Variants in DOCK2 observed in about 807,000 individuals in gnomAD.
The protein encoded by DOCK2 is dedicator of cytokinesis 2.
In DOCK2, 87 loss-of-function variants were observed where a neutral mutation model predicts 248.9. The ratio of observed to expected loss-of-function variants is 0.35; its 90% CI spans 0.29 to 0.42. DOCK2 has a LOEUF of 0.42. Among genes scored for constraint, DOCK2 ranks in the 10% least tolerant of loss-of-function variants. The pLI is 1.00. For synonymous variants in DOCK2, 805 were observed against 821.6 expected (o/e 0.98, Z 0.35); for missense variants, 1,747 against 2,300.2 (o/e 0.76, Z 4.92).
chr5:169,924,222 C>A (rs1033506439), intron 27 of DOCK2, among the ~76,000 whole-genome samples: 1 of 152,148 alleles, frequency 6.6e-6, no homozygotes, highest in African/African-American at 2.4e-5. Context: ...GTTACACCAG[C>A]CACACACACT....
At chr5:169,839,453 A>G (rs1769803735) in intron 26 of DOCK2, among the ~76,000 whole-genome samples, 1 of 152,208 alleles carries the variant, frequency 6.6e-6, no homozygotes, top group African/African-American at 2.4e-5. Context: ...CTTCAGACCC[A>G]GAGCTTCTGA....
At chr5:170,067,448 A>G in intron 44 of DOCK2, 62 bp from the exon 45 acceptor site, 1 of 1,530,682 alleles carries the variant, frequency 6.5e-7, no homozygotes, top group Non-Finnish European at 8.9e-7. Context: ...AATACCAATA[A>G]TATCTGTTTT....
chr5:169,986,023 G>C, intron 29 of DOCK2, 101 bp downstream of exon 29: 1 of 1,130,598 alleles, frequency 8.8e-7, no homozygotes, highest in Non-Finnish European at 1.3e-6. Flanking sequence ...TTGCTGAAAA[G>C]AAATTAAAGT....
intron 8 of DOCK2, among the ~76,000 whole-genome samples, chr5:169,685,614 C>T (rs1304801017): frequency 6.6e-6 from 1 of 152,190 alleles, no homozygotes; most frequent in African/African-American, 2.4e-5. Flanking sequence ...ATGATGTCTT[C>T]CTGGCTTGTT....
chr5:170,077,983 A>G, intron 48 of DOCK2, 146 bp downstream of exon 48: 1 of 699,444 alleles, frequency 1.4e-6, no homozygotes, highest in South Asian at 1.9e-5. Flanking sequence ...GCAGTCTCAC[A>G]ACTACCCCAG....
Position 169,800,944 on chromosome 5 carries a change from CTTT to C in DOCK2, c.2555-2087_2555-2085del, listed in dbSNP as rs60140740. ...TTTTTCTTTTTTCTTTTCTTTCTTTCTTTTTTTTTTTTTTTTTTTTTTTTTTTT... is the reference window on the plus strand; with the variant it reads ...TTTTTCTTTTTTCTTTTCTTTCTTTCTTTTTTTTTTTTTTTTTTTTTTTTT... On this transcript the variant is annotated intron_variant, in intron 25 of 51. Transcript: ENST00000520908. 1.5e-4 allele frequency among the ~76,000 whole-genome samples: 8 copies of C among 53,184 alleles called. No individual in the cohort carries two copies. In the South Asian group the frequency reaches 2.2e-3, roughly 15 times the overall value. 34.9% of individuals were successfully genotyped at this position (53,184 alleles called of 152,430 possible).
At position 169,708,240 on chromosome 5, in the gene DOCK2, A is replaced by G. The variant is rs1303888436; in HGVS notation, c.1455A>G (p.Lys485=). Residue 485 remains lysine, a synonymous_variant, in exon 15 of 52, where the codon AAA becomes AAG. Coordinates refer to ENST00000520908, the MANE Select transcript of DOCK2 (RefSeq NM_004946.3). ...EYRSVVYYQV[K]QPRWMETVKV... is the part of the protein sequence containing the mutation. ...GCTCCGTTGTGTACTATCAAGTCAA[A>G]CAGCCACGCTGGATGGAAACAGTCA... is the stretch of plus-strand genomic sequence containing the variant. The G allele has an allele frequency of 6.2e-7, 1 of 1,613,908 alleles. No individual in the cohort carries two copies. The highest frequency in any genetic ancestry group is 1.7e-5 in the Admixed American group (1 of 59,990).
chr5:170,068,528 C>T (rs1757573988), intron 45 of DOCK2, among the ~76,000 whole-genome samples: 1 of 152,188 alleles, frequency 6.6e-6, no homozygotes, highest in Non-Finnish European at 1.5e-5. Flanking sequence ...ATCCTTCCAA[C>T]TACCCTCAGA....
At chr5:169,956,449 A>G (rs1776869490) in intron 27 of DOCK2, among the ~76,000 whole-genome samples, 1 of 152,194 alleles carries the variant, frequency 6.6e-6, no homozygotes, top group Non-Finnish European at 1.5e-5. Context: ...TACTGCAGCG[A>G]CTTTAAGCAC....
intron 1 of DOCK2, among the ~76,000 whole-genome samples, chr5:169,650,521 C>T (rs1757745280): frequency 6.6e-6 from 1 of 152,194 alleles, no homozygotes; most frequent in African/African-American, 2.4e-5. Flanking sequence ...TTACTTTCAC[C>T]TTAGCTCCCT....
chr5:169,786,649 A>G (rs897713003), intron 25 of DOCK2, among the ~76,000 whole-genome samples: 1 of 152,180 alleles, frequency 6.6e-6, no homozygotes, highest in Non-Finnish European at 1.5e-5. Context: ...AGCCAGCCCA[A>G]TCTTTAAGAG....
In DOCK2 at chr5:169,746,994, G is replaced by A. The variant is rs141310551; in HGVS notation, c.2268-402G>A. The stretch of plus-strand genomic sequence containing the variant: ...ATCCGACAAACAGACAATGGGTGGC[G>A]GAAATGGCAGTGCATTTGAAAATAT... On this transcript the variant is annotated intron_variant, in intron 22 of 51. Transcript: ENST00000520908. 9.9e-5 allele frequency among the ~76,000 whole-genome samples: 15 copies of A among 152,236 alleles called. 1 individual carries two copies. Among genetic ancestry groups the A allele is most frequent in the South Asian group, 8.3e-4 (4 of 4,818 alleles).
At chr5:169,722,928 G>A (rs1298390498) in intron 22 of DOCK2, among the ~76,000 whole-genome samples, 1 of 152,170 alleles carries the variant, frequency 6.6e-6, no homozygotes, top group African/African-American at 2.4e-5. Context: ...GGACCACAAT[G>A]TGGTACTCTC....
chr5:169,932,004 C>A (rs1226638168), intron 27 of DOCK2, among the ~76,000 whole-genome samples: 1 of 152,232 alleles, frequency 6.6e-6, no homozygotes, highest in Non-Finnish European at 1.5e-5. Context: ...AGGAATACAG[C>A]CATAAGCCCA....
At chr5:169,692,476 T>G (rs1448351148) in intron 9 of DOCK2, among the ~76,000 whole-genome samples, 1 of 149,806 alleles carries the variant, frequency 6.7e-6, no homozygotes, top group Non-Finnish European at 1.5e-5. Flanking sequence ...ATATAGCATT[T>G]GGCTATTTTT....
chr5:169,716,202 A>G lies in DOCK2; in HGVS notation c.1942-11A>G. On this transcript the variant is annotated splice_polypyrimidine_tract_variant and intron_variant, in intron 19 of 51. Coordinates refer to ENST00000520908, the MANE Select transcript of DOCK2 (RefSeq NM_004946.3). ...TTTCTGAAGTAGTGCAACCTTTGTTATTTCTTCCAGTTTCTCCAGGATACT... is the reference window on the plus strand; with the variant it reads ...TTTCTGAAGTAGTGCAACCTTTGTTGTTTCTTCCAGTTTCTCCAGGATACT... 2 of 1,612,956 alleles carry G rather than the reference A, an allele frequency of 1.2e-6. No individual in the cohort carries two copies. Among genetic ancestry groups the G allele is most frequent in the Non-Finnish European group, 1.7e-6 (2 of 1,179,200 alleles).
intron 25 of DOCK2, among the ~76,000 whole-genome samples, chr5:169,775,042 G>A (rs1765303735): frequency 6.6e-6 from 1 of 152,104 alleles, no homozygotes; most frequent in Non-Finnish European, 1.5e-5. Flanking sequence ...CGGAGTAGCT[G>A]GGATAACAGG....
intron 27 of DOCK2, chr5:169,875,355 C>T (rs1235308078): frequency 6.6e-6 from 3 of 456,210 alleles, no homozygotes; most frequent in Non-Finnish European, 1.3e-5. Flanking sequence ...TCCACGACCA[C>T]GCTTTGGGAG....
intron 27 of DOCK2, among the ~76,000 whole-genome samples, chr5:169,897,198 T>A (rs1213229072): frequency 6.6e-6 from 1 of 152,010 alleles, no homozygotes; most frequent in East Asian, 1.9e-4. Context: ...TGAGCTCTTT[T>A]TTTTTGAGAC....
Sources: gnomAD v4.1 joint callset for allele counts (sites outside exome capture counted in the v4.1 genomes callset) on GRCh38, gnomAD v4.1.1 for gene constraint, MANE v1.5 for transcripts, NCBI Gene and HGNC (gene_info 2026-07-23, HGNC 2026-07-21) for gene names.